SPINT1: variants seen among roughly 807,000 people sequenced by gnomAD.
SPINT1 encodes kunitz-type protease inhibitor 1.
SPINT1 carries 38 observed loss-of-function variants against 53.7 expected under a neutral mutation model. The ratio of observed to expected loss-of-function variants is 0.71; its 90% CI spans 0.55 to 0.93. The LOEUF is 0.93. Among genes scored for constraint, SPINT1 ranks in the 40% least tolerant of loss-of-function variants. The probability of loss-of-function intolerance (pLI) is 0.00; values close to 1 mark genes in which losing one functional copy is unlikely to be tolerated. For synonymous variants in SPINT1, 283 were observed against 280.6 expected, an observed-to-expected ratio of 1.01 and a Z score of -0.08; for missense variants, 645 against 692.9, an observed-to-expected ratio of 0.93 and a Z score of 0.78.
chr15:40,854,828 T>A (rs992854458), intron 8 of SPINT1, 139 bp downstream of exon 8: 1 of 1,039,830 alleles, frequency 9.6e-7, no homozygotes, highest in Admixed American at 2.1e-5. Context: ...CTCCCCGTTC[T>A]CCAGATGGCT....
chr15:40,853,456 G>T (rs778030782), intron 3 of SPINT1, 33 bp from the exon 4 acceptor site: 4 of 1,613,838 alleles, frequency 2.5e-6, no homozygotes, highest in Admixed American at 3.3e-5. Context: ...GCATCAGGGG[G>T]TGCCCAAGCC....
At position 40,856,319 on chromosome 15, in the gene SPINT1, C is replaced by T; in HGVS notation, c.1332C>T (p.Ser444=). 1.2e-6 allele frequency: 2 copies of T among 1,614,150 alleles called. No individual in the cohort carries two copies. Among genetic ancestry groups the T allele is most frequent in the South Asian group, 2.2e-5 (2 of 91,080 alleles). The change falls in exon 10 of 11, where the codon AGC becomes AGT. Residue 444 remains serine (S), a synonymous_variant. Transcript: ENST00000562057. ...TGAGGCGGGAAATCCCCATTCCCAG[C>T]ACAGGTAAGCCCTGATCTGTCCTGT... is the stretch of plus-strand genomic sequence containing the variant. ...FGLRREIPIP[S]TGSVEMAVAV... is the part of the protein sequence containing the mutation.
rs760988634 is a variant in SPINT1, at chr15:40,854,689, G to C, written c.1117G>C (p.Gly373Arg). ...GCGCATCCATTTCCCCAGTGACAAA[G>C]GTGAGATCCTCCCCAGGTGCCCTGG... ...LQRIHFPSDK[G>R]HCVDLPDTGL... Residue 373 changes from glycine (G) to arginine (R), a missense_variant and splice_region_variant, in exon 8 of 11, where the codon GGG (glycine) becomes CGG (arginine). Transcript: ENST00000562057. 2 of 1,614,110 alleles carry C rather than the reference G, an allele frequency of 1.2e-6. No homozygotes were observed. The highest frequency in any genetic ancestry group is 2.7e-5 in the African/African-American group (2 of 75,044).
intron 2 of SPINT1, among the ~76,000 whole-genome samples, chr15:40,845,799 T>G (rs1458768900): frequency 6.6e-6 from 1 of 152,214 alleles, no homozygotes; most frequent in South Asian, 2.1e-4. Flanking sequence ...GGCCAAGCAC[T>G]GGTCTGGGCA....
At position 40,853,721 on chromosome 15, in the gene SPINT1, C is replaced by G; in HGVS notation, c.753C>G (p.Leu251=). ...LSTKQTEDYC[L]ASNKVGRCRG... ...AGCTCTCCCCCCTAGACTACTGCCT[C>G]GCATCCAACAAGGTGGGTCGCTGCC... is the stretch of plus-strand genomic sequence containing the variant. The change falls in exon 5 of 11, where the codon CTC becomes CTG. Residue 251 remains leucine, a synonymous_variant. Transcript: ENST00000562057. 1 of 1,614,110 alleles carries G rather than the reference C, an allele frequency of 6.2e-7. No homozygotes were observed.
At chr15:40,856,115 G>C in intron 9 of SPINT1, 53 bp downstream of exon 9, 1 of 1,605,988 alleles carries the variant, frequency 6.2e-7, no homozygotes, top group East Asian at 2.2e-5. Flanking sequence ...TTAGCCAGTG[G>C]CCTCCACTCT....
chr15:40,847,134 G>T lies in SPINT1; in HGVS notation c.475+2105G>T, dbSNP rs575428414. Among the ~76,000 whole-genome samples, 3 of 152,360 alleles carry T rather than the reference G, an allele frequency of 2.0e-5. No homozygotes were observed. The South Asian group carries it at 6.2e-4, about 32-fold the overall frequency. ...GGACCTGCCTGTTTGCCACAAGAGA[G>T]GGTGGAGTGGGGATTTCCTGGGACA... is the stretch of plus-strand genomic sequence containing the variant. On this transcript the variant is annotated intron_variant, in intron 2 of 10. Transcript: ENST00000562057.
At chr15:40,846,968 C>T (rs1367233769) in intron 2 of SPINT1, among the ~76,000 whole-genome samples, 3 of 152,186 alleles carry the variant, frequency 2.0e-5, no homozygotes, top group African/African-American at 7.2e-5. Context: ...CTGAGTTGCT[C>T]ATGCCCTTCC....
At chr15:40,856,108 G>T in intron 9 of SPINT1, 46 bp downstream of exon 9, 2 of 1,608,732 alleles carry the variant, frequency 1.2e-6, no homozygotes, top group Non-Finnish European at 8.5e-7. Context: ...GGAAGGCTTA[G>T]CCAGTGGCCT....
intron 5 of SPINT1, 64 bp from the exon 6 acceptor site, chr15:40,853,996 C>G (rs1353848048): frequency 6.3e-7 from 1 of 1,593,198 alleles, no homozygotes; most frequent in East Asian, 2.2e-5. Context: ...CCCACCCACC[C>G]CAATTATCTC....
In SPINT1 at chr15:40,853,244, G is replaced by A. The variant is rs769979852; in HGVS notation, c.596G>A (p.Arg199Lys). Residue 199 changes from arginine (R) to lysine (K), a missense_variant, in exon 3 of 11, where the codon AGG becomes AAG. Arg to Lys is a conservative substitution (Grantham distance 26). Coordinates refer to ENST00000562057, the MANE Select transcript of SPINT1 (RefSeq NM_003710.4). ...WRLLRGDTDV[R>K]VERKDPNQVE... is the part of the protein sequence containing the mutation. ...CTACTGCGGGGTGACACGGATGTCA[G>A]GGTAGAGGTGAGACACTGGGCTGAC... 4 of 1,614,202 alleles carry A rather than the reference G, an allele frequency of 2.5e-6. No individual in the cohort carries two copies. Among genetic ancestry groups the A allele is most frequent in the Non-Finnish European group, 3.4e-6 (4 of 1,180,012 alleles).
chr15:40,850,792 C>T (rs2142008889), intron 2 of SPINT1, among the ~76,000 whole-genome samples: 1 of 152,318 alleles, frequency 6.6e-6, no homozygotes, highest in South Asian at 2.1e-4. Context: ...GTATACTTGC[C>T]AGCCTCCTCG....
At chr15:40,852,918 A>G (rs1459200233) in intron 2 of SPINT1, among the ~76,000 whole-genome samples, 3 of 151,972 alleles carry the variant, frequency 2.0e-5, no homozygotes, top group Non-Finnish European at 4.4e-5. Flanking sequence ...ACATAAAAAT[A>G]TCTTCAGTAT....
chr15:40,847,398 C>A lies in SPINT1; in HGVS notation c.475+2369C>A, dbSNP rs538300679. 6.6e-5 allele frequency among the ~76,000 whole-genome samples: 10 copies of A among 152,310 alleles called. No individual in the cohort carries two copies. The South Asian group carries it at 1.2e-3, about 19-fold the overall frequency. ...TCACGGGCACTGAGAGCTTCCAAAC[C>A]TTTGATTCTCCTATTGCATAGATAA... On this transcript the variant is annotated intron_variant, in intron 2 of 10. Transcript: ENST00000562057.
chr15:40,844,114 C>T lies in SPINT1; in HGVS notation c.-138C>T, dbSNP rs992351541. 1 of 434,196 alleles carries T rather than the reference C, an allele frequency of 2.3e-6. No individual in the cohort carries two copies. Among genetic ancestry groups the T allele is most frequent in the African/African-American group, 2.1e-5 (1 of 46,572 alleles). The allele number at this position is 434,196 out of a possible 1,614,324, so 26.9% of individuals were successfully genotyped here. On this transcript the variant is annotated 5_prime_UTR_variant, in exon 1 of 11. Transcript: ENST00000562057. This position sits in a 1 kb window ranked among gnomAD's most constrained non-coding sequence, Gnocchi z 5.8. ...GCTCTCCGAGCACCGGGTCGGAAGC[C>T]GCGACCCGAGCCGCGCAGGAAGCTG...
At chr15:40,848,178 C>T (rs1891351080) in intron 2 of SPINT1, among the ~76,000 whole-genome samples, 2 of 152,190 alleles carry the variant, frequency 1.3e-5, no homozygotes, top group Non-Finnish European at 2.9e-5. Flanking sequence ...CTTCTCAGCC[C>T]CAGAACCACC....
In SPINT1 at chr15:40,853,687, C is replaced by G. The variant is rs761960637; in HGVS notation, c.743-24C>G. The stretch of plus-strand genomic sequence containing the variant: ...CCGCTGTGCGGATTGGCCGCACGGT[C>G]CCCTCATAAGCTCTCCCCCCTAGAC... On this transcript the variant is annotated intron_variant, in intron 4 of 10. Coordinates refer to ENST00000562057, the MANE Select transcript of SPINT1 (RefSeq NM_003710.4). 5.6e-6 allele frequency: 9 copies of G among 1,613,862 alleles called. No homozygotes were observed. In the South Asian group the frequency reaches 7.7e-5, roughly 14 times the overall value.
chr15:40,856,342 T>C lies in SPINT1; in HGVS notation c.1336+19T>C, dbSNP rs1410357995. ...AGCACAGGTAAGCCCTGATCTGTCC[T>C]GTAACTGAGGTTAGCATGTAGGTAT... On this transcript the variant is annotated intron_variant, in intron 10 of 10. Transcript: ENST00000562057. 1 of 1,614,136 alleles carries C rather than the reference T, an allele frequency of 6.2e-7. No homozygotes were observed. The highest frequency in any genetic ancestry group is 8.5e-7 in the Non-Finnish European group (1 of 1,179,972).
rs953546587 is a variant in SPINT1, at chr15:40,844,069, G to A, written c.-183G>A. The A allele has an allele frequency of 7.0e-6, 3 of 429,554 alleles. No homozygotes were observed. Among genetic ancestry groups the A allele is most frequent in the South Asian group, 1.6e-5 (1 of 62,340 alleles). The allele number at this position is 429,554 out of a possible 1,614,324, so 26.6% of individuals were successfully genotyped here. On this transcript the variant is annotated 5_prime_UTR_variant, in exon 1 of 11. Transcript: ENST00000562057. This position sits in a 1 kb window ranked among gnomAD's most constrained non-coding sequence, Gnocchi z 5.8. ...ACTCAGTTTCACCAGAAACCAGGGGGAGAAGGCGGCCGAGCCCCAGCTCTC... is the reference window on the plus strand; with the variant it reads ...ACTCAGTTTCACCAGAAACCAGGGGAAGAAGGCGGCCGAGCCCCAGCTCTC...
Sources: gnomAD v4.1 joint callset for allele counts (sites outside exome capture counted in the v4.1 genomes callset) on GRCh38, gnomAD v4.1.1 for gene constraint, Gnocchi (gnomAD v3.1) non-coding constraint, MANE v1.5 for transcripts, NCBI Gene and HGNC (gene_info 2026-07-23, HGNC 2026-07-21) for gene names.